ROBO2: variants seen among roughly 807,000 people sequenced by gnomAD.
The protein encoded by ROBO2 is roundabout guidance receptor 2, also known as roundabout homolog 2.
ROBO2 carries 53 observed loss-of-function variants against 160.8 expected under a neutral mutation model. The observed-to-expected ratio is 0.33, with a 90% CI of 0.26 to 0.41. The LOEUF is 0.41. ROBO2 is among the 10% of genes least tolerant of loss of function. The pLI is 1.00. For synonymous variants in ROBO2, 664 were observed against 611.7 expected (o/e 1.09, Z -1.26); for missense variants, 1,577 against 1,722.4 (o/e 0.92, Z 1.49).
chr3:77,318,604 A>G (rs1175368560), intron 2 of ROBO2, among the ~76,000 whole-genome samples: 1 of 152,248 alleles, frequency 6.6e-6, no homozygotes, highest in Non-Finnish European at 1.5e-5. Flanking sequence ...AGTTGGTTCA[A>G]ACTAGGACTC....
intron 2 of ROBO2, among the ~76,000 whole-genome samples, chr3:77,366,901 G>A (rs1342716641): frequency 9.3e-6 from 1 of 106,952 alleles, no homozygotes; most frequent in East Asian, 4.3e-4. Context: ...GCACCCCCCC[G>A]ACACTCACAG....
At chr3:75,986,535 T>A (rs960616445) in intron 2 of ROBO2, among the ~76,000 whole-genome samples, 9 of 151,658 alleles carry the variant, frequency 5.9e-5, no homozygotes, top group Non-Finnish European at 1.2e-4. Flanking sequence ...GGCAGTTTTT[T>A]AAAAAAAGTT....
At chr3:76,284,406 A>C (rs1025652564) in intron 2 of ROBO2, among the ~76,000 whole-genome samples, 1 of 140,836 alleles carries the variant, frequency 7.1e-6, no homozygotes, top group Admixed American at 7.6e-5. Flanking sequence ...TGTGACTCCT[A>C]TAAAAAAAAT....
chr3:76,468,714 T>C (rs965117201), intron 2 of ROBO2, among the ~76,000 whole-genome samples: 1 of 152,078 alleles, frequency 6.6e-6, no homozygotes, highest in African/African-American at 2.4e-5. Flanking sequence ...TGATAGCCCA[T>C]GTACCTAGTT....
chr3:76,384,778 G>A (rs992537421), intron 2 of ROBO2, among the ~76,000 whole-genome samples: 2 of 152,066 alleles, frequency 1.3e-5, no homozygotes, highest in African/African-American at 2.4e-5. Flanking sequence ...GCTATCAAGA[G>A]AACAGCATGG....
intron 13 of ROBO2, among the ~76,000 whole-genome samples, chr3:77,572,349 A>G (rs899632667): frequency 1.3e-5 from 2 of 151,960 alleles, no homozygotes; most frequent in Non-Finnish European, 2.9e-5. Context: ...TGGCTCTCAT[A>G]AATTTAACTT....
chr3:76,060,866 C>T (rs1190543044), intron 2 of ROBO2, among the ~76,000 whole-genome samples: 6 of 152,140 alleles, frequency 3.9e-5, no homozygotes, highest in East Asian at 1.9e-4. Flanking sequence ...TCTCAAACTT[C>T]GCCATCTCAT....
intron 5 of ROBO2, among the ~76,000 whole-genome samples, chr3:77,494,819 A>G (rs894555831): frequency 1.4e-4 from 22 of 152,376 alleles, no homozygotes; most frequent in Admixed American, 1.1e-3. Context: ...ATTCAAATGC[A>G]TCAACCATTT....
At chr3:76,644,399 T>C (rs2090863479) in intron 2 of ROBO2, among the ~76,000 whole-genome samples, 1 of 152,176 alleles carries the variant, frequency 6.6e-6, no homozygotes, top group South Asian at 2.1e-4. Context: ...GTCTCACCCA[T>C]GTCAATCACT....
chr3:77,473,440 C>CTTTTTTTTTT lies in ROBO2; in HGVS notation c.389-3946_389-3937dup, dbSNP rs71104688. Among the ~76,000 whole-genome samples, 36 of 77,930 alleles carry CTTTTTTTTTT rather than the reference C, an allele frequency of 4.6e-4. 4 individuals carry two copies. The highest frequency in any genetic ancestry group is 1.1e-3 in the African/African-American group (24 of 21,500). 51.1% of individuals were successfully genotyped at this position (77,930 alleles called of 152,430 possible). A position where few individuals can be genotyped will look rare whatever the true frequency, so the allele number is the denominator to read the frequency against. On this transcript the variant is annotated intron_variant, in intron 2 of 25. Transcript: ENST00000461745. The stretch of plus-strand genomic sequence containing the variant: ...CTGCAGTTCGATTTTACAAACTGCT[C>CTTTTTTTTTT]TTTTTTTTTTTTTTTTTTTTTTTTT...
chr3:77,414,656 T>G (rs890070134), intron 2 of ROBO2, among the ~76,000 whole-genome samples: 1 of 152,166 alleles, frequency 6.6e-6, no homozygotes, highest in African/African-American at 2.4e-5. Context: ...ATCATTATTA[T>G]GAGAGAAGGG....
chr3:77,092,567 A>G (rs2150032337), intron 1 of ROBO2, among the ~76,000 whole-genome samples: 1 of 147,064 alleles, frequency 6.8e-6, no homozygotes, highest in South Asian at 2.1e-4. Flanking sequence ...TTTATATATT[A>G]TTAATATATA....
chr3:77,106,419 G>A (rs1193810128), intron 2 of ROBO2, among the ~76,000 whole-genome samples: 1 of 107,596 alleles, frequency 9.3e-6, no homozygotes, highest in African/African-American at 3.9e-5. Flanking sequence ...AATGTAGGTA[G>A]GTTGACATTA....
chr3:77,164,506 C>T (rs373155114), intron 2 of ROBO2, among the ~76,000 whole-genome samples: 1,798 of 125,326 alleles, frequency 0.014, 52 homozygotes, highest in East Asian at 0.036. Context: ...GCCCCCCGCC[C>T]GGCCAGCCGT....
chr3:77,249,583 C>A (rs1477901636), intron 2 of ROBO2, among the ~76,000 whole-genome samples: 3 of 151,800 alleles, frequency 2.0e-5, no homozygotes, highest in East Asian at 1.9e-4. Flanking sequence ...CCATCCATCA[C>A]TTTAAAATGA....
intron 2 of ROBO2, among the ~76,000 whole-genome samples, chr3:77,397,138 G>A (rs927482135): frequency 2.6e-5 from 4 of 152,006 alleles, no homozygotes; most frequent in African/African-American, 9.7e-5. Context: ...CAAGTTTCTG[G>A]GGAAAAAATT....
intron 2 of ROBO2, among the ~76,000 whole-genome samples, chr3:76,822,888 A>T (rs1331286338): frequency 1.3e-5 from 2 of 151,952 alleles, no homozygotes; most frequent in African/African-American, 4.8e-5. Flanking sequence ...TTTTTCCTCC[A>T]AAGTGCAACG....
chr3:76,736,373 G>T (rs2093714529), intron 2 of ROBO2, among the ~76,000 whole-genome samples: 1 of 152,004 alleles, frequency 6.6e-6, no homozygotes, highest in Non-Finnish European at 1.5e-5. Flanking sequence ...ATACAATTTA[G>T]TGTTGTCCTA....
intron 2 of ROBO2, among the ~76,000 whole-genome samples, chr3:77,144,430 A>T (rs897017369): frequency 6.6e-6 from 1 of 152,180 alleles, no homozygotes; most frequent in Admixed American, 6.5e-5. Context: ...TTTCTTGAGA[A>T]TCTGTTCCGT....
Sources: gnomAD v4.1 joint callset for allele counts (sites outside exome capture counted in the v4.1 genomes callset) on GRCh38, gnomAD v4.1.1 for gene constraint, MANE v1.5 for transcripts, NCBI Gene and HGNC (gene_info 2026-07-23, HGNC 2026-07-21) for gene names.